Variants in TEPSIN observed in about 807,000 individuals in gnomAD.
TEPSIN encodes AP-4 complex accessory subunit tepsin.
Under a neutral mutation model 48.5 loss-of-function variants are expected in TEPSIN, and 50 were observed. The observed-to-expected ratio is 1.03, with a 90% CI of 0.82 to 1.31. The LOEUF is 1.31. Among genes scored for constraint, TEPSIN ranks in the 50% most tolerant of loss-of-function variants. The pLI, the probability that TEPSIN is intolerant of heterozygous loss-of-function variation, is 0.00. For synonymous variants in TEPSIN, 392 were observed against 358.8 expected (o/e 1.09, Z -1.05); for missense variants, 838 against 815.9 (o/e 1.03, Z -0.33).
In TEPSIN at chr17:81,234,195, G is replaced by C. The variant is rs1439000136; in HGVS notation, c.308-147C>G. The stretch of plus-strand genomic sequence containing the variant: ...ACAGCCAATGGGATGCCCTCCTCCA[G>C]GACCCTGCAGAGGCCACACCTGAGC... On this transcript the variant is annotated intron_variant, in intron 4 of 12. Transcript: ENST00000637944. This position sits in a 1 kb window ranked among gnomAD's most constrained non-coding sequence, Gnocchi z 5.4. 4.8e-6 allele frequency: 3 copies of C among 624,820 alleles called. No individual in the cohort carries two copies. The African/African-American group carries it at 5.8e-5, about 12-fold the overall frequency. The allele number at this position is 624,820 out of a possible 1,614,324, so 38.7% of individuals were successfully genotyped here.
In TEPSIN at chr17:81,233,259, C is replaced by T. The variant is rs527693625; in HGVS notation, c.526+173G>A. On this transcript the variant is annotated intron_variant, in intron 7 of 12. Transcript: ENST00000637944. This position sits in a 1 kb window ranked among gnomAD's most constrained non-coding sequence, Gnocchi z 5.8. ...GCCCTGGCCACACCTGCCCCACCCC[C>T]ACGTCAGCAGCCAGAGAGAGACAGT... is the stretch of plus-strand genomic sequence containing the variant. The T allele has an allele frequency of 1.1e-5, 8 of 760,710 alleles. No homozygotes were observed. The highest frequency in any genetic ancestry group is 1.7e-5 in the Non-Finnish European group (8 of 483,888). 47.1% of individuals were successfully genotyped at this position (760,710 alleles called of 1,614,324 possible). A position where few individuals can be genotyped will look rare whatever the true frequency, so the allele number is the denominator to read the frequency against.
chr17:81,229,396 G>A lies in TEPSIN; in HGVS notation c.1314C>T (p.Ala438=). The A allele has an allele frequency of 6.4e-7, 1 of 1,551,516 alleles. No homozygotes were observed. The highest frequency in any genetic ancestry group is 8.7e-7 in the Non-Finnish European group (1 of 1,147,896). ...TCAGCAGGTCAGATGGGCCTGGGAGGGCGGCTGTGGGGCCAGGCTCAGCTG... is the reference window on the plus strand; with the variant it reads ...TCAGCAGGTCAGATGGGCCTGGGAGAGCGGCTGTGGGGCCAGGCTCAGCTG... The part of the protein sequence containing the change: ...GTSAEPGPTA[A]LPGPSDLLTD... Residue 438 remains alanine (A), a synonymous_variant, in exon 13 of 13, where the codon GCC becomes GCT. Transcript: ENST00000637944.
chr17:81,234,216 T>C lies in TEPSIN; in HGVS notation c.308-168A>G. 2.0e-6 allele frequency: 1 copy of C among 508,324 alleles called. No individual in the cohort carries two copies. 31.5% of individuals were successfully genotyped at this position (508,324 alleles called of 1,614,324 possible). The stretch of plus-strand genomic sequence containing the variant: ...TCCAGGACCCTGCAGAGGCCACACC[T>C]GAGCAGACCCTCAGCTCCCCCTCAC... On this transcript the variant is annotated intron_variant, in intron 4 of 12. Coordinates refer to ENST00000637944, the MANE Select transcript of TEPSIN (RefSeq NM_001363764.2). The surrounding 1 kb of genome is among the most constrained non-coding windows in gnomAD (Gnocchi z 5.4).
chr17:81,229,278 TC>T lies in TEPSIN; in HGVS notation c.1431del (p.Met478CysfsTer114). The T allele has an allele frequency of 9.5e-6, 15 of 1,577,054 alleles. No homozygotes were observed. The highest frequency in any genetic ancestry group is 1.2e-5 in the Non-Finnish European group (14 of 1,161,654). On this transcript the variant is annotated frameshift_variant, in exon 13 of 13. Coordinates refer to ENST00000637944, the MANE Select transcript of TEPSIN (RefSeq NM_001363764.2). LOFTEE classifies it low-confidence loss of function (END_TRUNC). ...VSSRSPAPSS[G>X]MPSSPVPTPP... is the part of the protein sequence containing the mutation. ...GGGGTGGGCACAGGGCTGGACGGCA[TC>T]CCAGATGAGGGAGCAGGGCTCCGGG... is the stretch of plus-strand genomic sequence containing the variant.
chr17:81,234,071 C>A lies in TEPSIN; in HGVS notation c.308-23G>T, dbSNP rs564410667. 6.4e-7 allele frequency: 1 copy of A among 1,570,476 alleles called. No individual in the cohort carries two copies. Among genetic ancestry groups the A allele is most frequent in the Non-Finnish European group, 8.6e-7 (1 of 1,162,880 alleles). On this transcript the variant is annotated intron_variant, in intron 4 of 12. Coordinates refer to ENST00000637944, the MANE Select transcript of TEPSIN (RefSeq NM_001363764.2). The surrounding 1 kb of genome is among the most constrained non-coding windows in gnomAD (Gnocchi z 5.4). ...AAGCTGCAGAACAGAAAAGGCAAGT[C>A]GGGGGCAGGGCTGAGCCTGGCACCG...
rs778016387 is a variant in TEPSIN at position 81,233,718 on chromosome 17, T to C, written c.376-2A>G. The C allele has an allele frequency of 1.9e-6, 3 of 1,594,420 alleles. No homozygotes were observed. Among genetic ancestry groups the C allele is most frequent in the East Asian group, 2.3e-5 (1 of 44,116 alleles). On this transcript the variant is annotated splice_acceptor_variant, in intron 5 of 12. Coordinates refer to ENST00000637944, the MANE Select transcript of TEPSIN (RefSeq NM_001363764.2). LOFTEE classifies it high-confidence loss of function. This position sits in a 1 kb window ranked among gnomAD's most constrained non-coding sequence, Gnocchi z 5.8. ...CGAGAACAGGGTGCTCCCCAAGTCC[T>C]ACAGGGGGAGGCGAAGGCCCTCAGT...
intron 12 of TEPSIN, 79 bp from the exon 13 acceptor site, chr17:81,229,555 G>A (rs2062545258): frequency 6.9e-7 from 1 of 1,447,194 alleles, no homozygotes; most frequent in South Asian, 1.2e-5. Flanking sequence ...TTCTCCCTAG[G>A]ACCTCCTCAG....
chr17:81,228,635 C>T lies in TEPSIN; in HGVS notation c.*293G>A, dbSNP rs767139743. On this transcript the variant is annotated 3_prime_UTR_variant, in exon 13 of 13. Coordinates refer to ENST00000637944, the MANE Select transcript of TEPSIN (RefSeq NM_001363764.2). ...AAATAAGGAACCTGGTAGTCGCTTC[C>T]GCATTCATACAAGAAACCTCATGTC... 1.0e-5 allele frequency: 5 copies of T among 487,906 alleles called. No homozygotes were observed. The highest frequency in any genetic ancestry group is 2.6e-5 in the South Asian group (1 of 38,362). 30.2% of individuals were successfully genotyped at this position (487,906 alleles called of 1,614,324 possible). A position where few individuals can be genotyped will look rare whatever the true frequency, so the allele number is the denominator to read the frequency against.
intron 10 of TEPSIN, 22 bp downstream of exon 10, chr17:81,231,556 G>A: frequency 1.9e-6 from 3 of 1,606,182 alleles, no homozygotes; most frequent in Admixed American, 3.4e-5. Context: ...AGGCAGAGCA[G>A]GGCGGGTCCG....
chr17:81,238,145 C>T, intron 1 of TEPSIN: 1 of 985,544 alleles, frequency 1.0e-6, no homozygotes. Flanking sequence ...GCCTTTCGGT[C>T]GGAAGGGCCG....
rs978730761 is a variant in TEPSIN, at chr17:81,234,839, T to C, written c.308-791A>G. The stretch of plus-strand genomic sequence containing the variant: ...CTGCCACCCCACGCTGCCCCTGCTC[T>C]GTGACAGAGCAGGAGCATCACCATC... On this transcript the variant is annotated intron_variant, in intron 4 of 12. Transcript: ENST00000637944. This position sits in a 1 kb window ranked among gnomAD's most constrained non-coding sequence, Gnocchi z 5.4. Among the ~76,000 whole-genome samples the C allele has an allele frequency of 1.3e-5, 2 of 152,098 alleles. No homozygotes were observed. Among genetic ancestry groups the C allele is most frequent in the Admixed American group, 6.5e-5 (1 of 15,276 alleles).
chr17:81,231,359 G>A, intron 11 of TEPSIN, 39 bp downstream of exon 11: 1 of 1,503,842 alleles, frequency 6.6e-7, no homozygotes, highest in Non-Finnish European at 8.9e-7. Flanking sequence ...ACAGGCACAT[G>A]CACACAGTCA....
Position 81,231,647 on chromosome 17 carries a change from A to G in TEPSIN, c.950T>C (p.Leu317Ser). The G allele has an allele frequency of 6.2e-7, 1 of 1,613,078 alleles. No homozygotes were observed. The highest frequency in any genetic ancestry group is 8.5e-7 in the Non-Finnish European group (1 of 1,179,724). The change falls in exon 10 of 13, where the codon TTG becomes TCG. Residue 317 changes from leucine (L) to serine (S), a missense_variant. Leu to Ser is a moderately radical substitution (Grantham distance 145). Coordinates refer to ENST00000637944, the MANE Select transcript of TEPSIN (RefSeq NM_001363764.2). Reference sequence around the variant, plus strand: ...TGGTCCCCGAGTCACAGTCCTCACCAAGCTCAACTCCTGCTGACAGTCACT... The same window carrying G: ...TGGTCCCCGAGTCACAGTCCTCACCGAGCTCAACTCCTGCTGACAGTCACT... ...ALSDCQQELS[L>S]VRTVTRGPRA...
rs113670453 is a variant in TEPSIN at position 81,234,469 on chromosome 17, C to T, written c.308-421G>A. Among the ~76,000 whole-genome samples the T allele has an allele frequency of 2.0e-5, 3 of 152,104 alleles. No individual in the cohort carries two copies. Among genetic ancestry groups the T allele is most frequent in the African/African-American group, 4.8e-5 (2 of 41,410 alleles). On this transcript the variant is annotated intron_variant, in intron 4 of 12. Transcript: ENST00000637944. The surrounding 1 kb of genome is among the most constrained non-coding windows in gnomAD (Gnocchi z 5.4). ...CACCCAACCCCAGTCTCAGCCGCCT[C>T]GAGCTCCCCTGCTCTGAGAGTTCCT...
rs2062680399 is a variant in TEPSIN, at chr17:81,234,208, G to A, written c.308-160C>T. ...TGCCCTCCTCCAGGACCCTGCAGAG[G>A]CCACACCTGAGCAGACCCTCAGCTC... On this transcript the variant is annotated intron_variant, in intron 4 of 12. Transcript: ENST00000637944. This position sits in a 1 kb window ranked among gnomAD's most constrained non-coding sequence, Gnocchi z 5.4. The A allele has an allele frequency of 1.8e-6, 1 of 560,660 alleles. No homozygotes were observed. Among genetic ancestry groups the A allele is most frequent in the Non-Finnish European group, 3.1e-6 (1 of 324,550 alleles). 34.7% of individuals were successfully genotyped at this position (560,660 alleles called of 1,614,324 possible). A position where few individuals can be genotyped will look rare whatever the true frequency, so the allele number is the denominator to read the frequency against.
At chr17:81,231,258 T>G in intron 11 of TEPSIN, 140 bp downstream of exon 11, 8 of 851,746 alleles carry the variant, frequency 9.4e-6, no homozygotes, top group Non-Finnish European at 1.4e-5. Flanking sequence ...CACACAGGCA[T>G]GTGCGCACGC....
chr17:81,233,038 C>A lies in TEPSIN; in HGVS notation c.526+394G>T. Reference sequence around the variant, plus strand: ...CCGCAGGCAGTGGTGCCACCTGTGGCTCTCCTGGCGCTGGTGAGCAGTTGT... The same window carrying A: ...CCGCAGGCAGTGGTGCCACCTGTGGATCTCCTGGCGCTGGTGAGCAGTTGT... On this transcript the variant is annotated intron_variant, in intron 7 of 12. Coordinates refer to ENST00000637944, the MANE Select transcript of TEPSIN (RefSeq NM_001363764.2). The surrounding 1 kb of genome is among the most constrained non-coding windows in gnomAD (Gnocchi z 5.8). 3.6e-6 allele frequency: 1 copy of A among 275,384 alleles called. No homozygotes were observed. The highest frequency in any genetic ancestry group is 5.0e-5 in the Admixed American group (1 of 20,184). The allele number at this position is 275,384 out of a possible 1,614,324, so 17.1% of individuals were successfully genotyped here.
rs1262027231 is a variant in TEPSIN, at chr17:81,229,046, GC to G, written c.1663del (p.Ala555LeufsTer37). The G allele has an allele frequency of 6.2e-7, 1 of 1,613,350 alleles. No homozygotes were observed. Among genetic ancestry groups the G allele is most frequent in the Non-Finnish European group, 8.5e-7 (1 of 1,179,936 alleles). ...VACPRLVGAG[A>X]AAGESCPDAP... ...ATCAGGACAGGACTCTCCCGCAGCA[GC>G]CCCAGCCCCCACCAGGCGGGGACAG... On this transcript the variant is annotated frameshift_variant, in exon 13 of 13. Coordinates refer to ENST00000637944, the MANE Select transcript of TEPSIN (RefSeq NM_001363764.2). LOFTEE classifies it low-confidence loss of function (END_TRUNC).
intron 11 of TEPSIN, 84 bp downstream of exon 11, chr17:81,231,314 C>A: frequency 1.5e-6 from 2 of 1,327,836 alleles, no homozygotes; most frequent in East Asian, 5.1e-5. Flanking sequence ...CACACAGGCA[C>A]ACGTGCACAC....
Sources: allele counts gnomAD v4.1 joint callset (sites outside exome capture counted in the v4.1 genomes callset), GRCh38; gene constraint gnomAD v4.1.1; non-coding constraint Gnocchi (gnomAD v3.1); transcripts MANE v1.5; gene names NCBI Gene and HGNC (gene_info 2026-07-23, HGNC 2026-07-21).